Variants in MID2 observed in about 807,000 individuals in gnomAD.
MID2 encodes the protein probable E3 ubiquitin-protein ligase MID2.
MID2 carries 13 observed loss-of-function variants against 46.1 expected under a neutral mutation model. The ratio of observed to expected loss-of-function variants is 0.28; its 90% CI spans 0.18 to 0.45. MID2 has a LOEUF of 0.45. MID2 is among the 20% of genes least tolerant of loss of function. MID2 has a pLI of 1.00. For missense variants in MID2, 431 were observed against 575.4 expected (o/e 0.75, Z 2.57); for synonymous variants, 199 against 212.3 (o/e 0.94, Z 0.55).
At chrX:107,829,965 C>T (rs1347878011) in intron 1 of MID2, among the ~76,000 whole-genome samples, 1 of 112,112 alleles carries the variant, frequency 8.9e-6, no homozygotes, top group Non-Finnish European at 1.9e-5. Context: ...CTTGCTTCAA[C>T]TCGCAGATCC....
intron 3 of MID2, among the ~76,000 whole-genome samples, chrX:107,876,787 C>G (rs1932210451): frequency 8.9e-6 from 1 of 112,005 alleles, no homozygotes; most frequent in African/African-American, 3.3e-5. Context: ...TCTGGAAAGC[C>G]TCTATACAAC....
intron 3 of MID2, among the ~76,000 whole-genome samples, chrX:107,866,422 AACACACACACAC>A (rs57100746): frequency 0.068 from 5,528 of 81,131 alleles, 191 homozygotes; most frequent in East Asian, 0.16. Context: ...AGCCACTGAA[AACACACACACAC>A]ACACACACAC....
intron 3 of MID2, among the ~76,000 whole-genome samples, chrX:107,869,814 A>G (rs1394088516): frequency 2.7e-5 from 3 of 109,919 alleles, no homozygotes; most frequent in Non-Finnish European, 3.8e-5. Flanking sequence ...CAATCTTACC[A>G]TATTGGCAAC....
chrX:107,856,974 A>T (rs1266770684), intron 3 of MID2, among the ~76,000 whole-genome samples: 5 of 112,409 alleles, frequency 4.4e-5, no homozygotes, highest in African/African-American at 1.6e-4. Flanking sequence ...TACCAGGTAT[A>T]AAGAAAACAG....
intron 1 of MID2, among the ~76,000 whole-genome samples, chrX:107,826,733 G>C (rs893195430): frequency 1.8e-5 from 2 of 113,305 alleles, no homozygotes; most frequent in East Asian, 5.7e-4. Flanking sequence ...GCCTGGCCGG[G>C]CCCGGCGCGG....
chrX:107,860,291 G>A (rs1334094345), intron 3 of MID2, among the ~76,000 whole-genome samples: 3 of 112,021 alleles, frequency 2.7e-5, no homozygotes, highest in Non-Finnish European at 5.6e-5. Flanking sequence ...TCTGGTTTAG[G>A]TGACCAAATA....
chrX:107,928,754 C>T lies in MID2; in HGVS notation c.*1681C>T, dbSNP rs1038755723. Among the ~76,000 whole-genome samples, 6 of 111,915 alleles carry T rather than the reference C, an allele frequency of 5.4e-5. No homozygotes were observed. The highest frequency in any genetic ancestry group is 1.9e-4 in the African/African-American group (6 of 30,866). ...TGGAAGAAACAAAGTATATAATCCTCCCCAATAACAGTTATGTATTGTTTG... is the reference window on the plus strand; with the variant it reads ...TGGAAGAAACAAAGTATATAATCCTTCCCAATAACAGTTATGTATTGTTTG... On this transcript the variant is annotated 3_prime_UTR_variant, in exon 10 of 10. Coordinates refer to ENST00000262843, the MANE Select transcript of MID2 (RefSeq NM_012216.4).
intron 5 of MID2, among the ~76,000 whole-genome samples, chrX:107,914,111 G>A (rs1405530232): frequency 8.9e-6 from 1 of 112,133 alleles, no homozygotes; most frequent in African/African-American, 3.2e-5. Flanking sequence ...TCCCTTTGTA[G>A]CAGCACTTCT....
At chrX:107,907,815 T>A (rs942856426) in intron 5 of MID2, among the ~76,000 whole-genome samples, 8 of 112,408 alleles carry the variant, frequency 7.1e-5, no homozygotes, top group African/African-American at 2.6e-4. Context: ...AAAATATTAC[T>A]ATAAGTCATA....
At chrX:107,847,880 A>T (rs904344198) in intron 2 of MID2, among the ~76,000 whole-genome samples, 3 of 111,100 alleles carry the variant, frequency 2.7e-5, no homozygotes, top group Non-Finnish European at 5.7e-5. Flanking sequence ...CATAGGAGGA[A>T]TAGCAAGATA....
intron 3 of MID2, among the ~76,000 whole-genome samples, chrX:107,874,873 A>C (rs764461482): frequency 8.9e-6 from 1 of 111,761 alleles, no homozygotes; most frequent in Non-Finnish European, 1.9e-5. Context: ...GATCAGACCA[A>C]GGTACTTCAC....
intron 2 of MID2, among the ~76,000 whole-genome samples, chrX:107,845,525 A>ACACTCTCT (rs1276957001): frequency 4.1e-5 from 3 of 72,980 alleles, no homozygotes; most frequent in African/African-American, 2.3e-4. Context: ...ACACACACAC[A>ACACTCTCT]CTCTCTCTCT....
At chrX:107,840,639 C>A in intron 1 of MID2, 31 bp from the exon 2 acceptor site, 1 of 1,105,572 alleles carries the variant, frequency 9.0e-7, no homozygotes, top group Non-Finnish European at 1.2e-6. Flanking sequence ...TTTGGAAATG[C>A]CTAATGACTC....
intron 8 of MID2, among the ~76,000 whole-genome samples, chrX:107,925,637 C>T (rs986514688): frequency 2.7e-5 from 3 of 111,732 alleles, no homozygotes; most frequent in African/African-American, 9.8e-5. Context: ...TCACCTCAGA[C>T]ATCATAACAC....
At position 107,841,029 on chromosome X, in the gene MID2, C is replaced by A. The variant is rs372849069; in HGVS notation, c.364C>A (p.Arg122=). ...SGPNSPSESR[R]ERTYRPTTAM... Reference sequence around the variant, plus strand: ...GCCCAATTCCCCTAGTGAGAGCCGCCGGGAAAGGACTTACAGGCCCACCAC... The same window carrying A: ...GCCCAATTCCCCTAGTGAGAGCCGCAGGGAAAGGACTTACAGGCCCACCAC... The change falls in exon 2 of 10, where the codon CGG becomes AGG. Residue 122 remains arginine, a synonymous_variant. Transcript: ENST00000262843. 11 of 1,209,346 alleles carry A rather than the reference C, an allele frequency of 9.1e-6. No individual in the cohort carries two copies. In the East Asian group the frequency reaches 3.3e-4, roughly 36 times the overall value.
chrX:107,858,151 G>A (rs746056113), intron 3 of MID2, among the ~76,000 whole-genome samples: 1 of 112,308 alleles, frequency 8.9e-6, no homozygotes, highest in Admixed American at 9.4e-5. Flanking sequence ...CTATGGTAAT[G>A]TAGCTTGTTA....
intron 1 of MID2, among the ~76,000 whole-genome samples, chrX:107,839,736 CT>C (rs1333601888): frequency 8.9e-6 from 1 of 112,000 alleles, no homozygotes; most frequent in African/African-American, 3.3e-5. Flanking sequence ...ATTTCTGGAA[CT>C]TTGCTAATTT....
chrX:107,905,993 T>C (rs917277460), intron 5 of MID2, among the ~76,000 whole-genome samples: 3 of 112,437 alleles, frequency 2.7e-5, no homozygotes, highest in Non-Finnish European at 3.8e-5. Flanking sequence ...CATTTAGTTA[T>C]TCTGCACATA....
chrX:107,924,519 T>C lies in MID2; in HGVS notation c.1597+15T>C, dbSNP rs1368593092. 9.9e-6 allele frequency: 12 copies of C among 1,207,165 alleles called. No individual in the cohort carries two copies. Among genetic ancestry groups the C allele is most frequent in the Non-Finnish European group, 1.3e-5 (12 of 892,874 alleles). ...AAAAACAAACAGTACGTTGTGGTGA[T>C]TTCAAAAGGAAAGATCAATTTTCTT... On this transcript the variant is annotated intron_variant, in intron 8 of 9. Coordinates refer to ENST00000262843, the MANE Select transcript of MID2 (RefSeq NM_012216.4).
Sources: allele counts gnomAD v4.1 joint callset (sites outside exome capture counted in the v4.1 genomes callset), GRCh38; gene constraint gnomAD v4.1.1; transcripts MANE v1.5; gene names NCBI Gene and HGNC (gene_info 2026-07-23, HGNC 2026-07-21).